Variants in RPS6KC1 observed in about 807,000 individuals in gnomAD.
RPS6KC1 encodes the protein inactive ribosomal protein S6 kinase delta-1.
A neutral mutation model predicts 103.8 loss-of-function variants in RPS6KC1; 54 were observed. The ratio of observed to expected loss-of-function variants is 0.52; its 90% confidence interval spans 0.42 to 0.65. The LOEUF (loss-of-function observed/expected upper bound fraction) is 0.65. RPS6KC1 is among the 30% of genes least tolerant of loss of function. The pLI is 0.00. For missense variants in RPS6KC1, 1,151 were observed against 1,253.8 expected (o/e 0.92, Z 1.24); for synonymous variants, 439 against 438.7 (o/e 1.00, Z -0.01).
intron 8 of RPS6KC1, among the ~76,000 whole-genome samples, chr1:213,216,636 G>A (rs1322835648): frequency 2.0e-5 from 3 of 152,088 alleles, no homozygotes; most frequent in Non-Finnish European, 4.4e-5. Flanking sequence ...GCTCTCCTCA[G>A]CAAATGTAAA....
chr1:213,727,822 T>C, the RPS6KC1 span, among the ~76,000 whole-genome samples: 1 of 152,094 alleles, frequency 6.6e-6, no homozygotes, highest in East Asian at 1.9e-4. Context: ...AAACAAACTA[T>C]TGGTGATTTT....
chr1:213,601,003 A>G, the RPS6KC1 span, among the ~76,000 whole-genome samples: 5 of 152,350 alleles, frequency 3.3e-5, no homozygotes, highest in East Asian at 9.6e-4. Context: ...CTCTGGGTGA[A>G]GCCATGCTTT....
chr1:213,221,912 A>G (rs916812207), intron 8 of RPS6KC1, among the ~76,000 whole-genome samples: 6 of 152,232 alleles, frequency 3.9e-5, no homozygotes, highest in Non-Finnish European at 5.9e-5. Flanking sequence ...TCTTCATATA[A>G]TTCTGGTAGA....
the RPS6KC1 span, among the ~76,000 whole-genome samples, chr1:213,355,308 C>T: frequency 1.3e-5 from 2 of 152,040 alleles, no homozygotes; most frequent in South Asian, 2.1e-4. Flanking sequence ...AGAAGGCTGG[C>T]GGGATGTACA....
At chr1:213,342,517 C>T in the RPS6KC1 span, among the ~76,000 whole-genome samples, 21 of 152,262 alleles carry the variant, frequency 1.4e-4, no homozygotes, top group African/African-American at 2.2e-4. Context: ...CTCTTGGTGC[C>T]TCAGAGTGAA....
At chr1:213,526,858 AAAAATTGCATTTATTTAAAAC>A in the RPS6KC1 span, among the ~76,000 whole-genome samples, 1 of 152,232 alleles carries the variant, frequency 6.6e-6, no homozygotes, top group Non-Finnish European at 1.5e-5. Flanking sequence ...TAAGAGTAAT[AAAAATTGCATTTATTTAAAAC>A]AATACTCCAG....
At chr1:213,459,328 G>T in the RPS6KC1 span, among the ~76,000 whole-genome samples, 32 of 152,062 alleles carry the variant, frequency 2.1e-4, no homozygotes, top group Admixed American at 2.1e-3. Context: ...TCCTGGTTTA[G>T]TCTTGGGAGG....
At chr1:213,099,212 A>G (rs1016578441) in intron 3 of RPS6KC1, among the ~76,000 whole-genome samples, 1 of 152,160 alleles carries the variant, frequency 6.6e-6, no homozygotes, top group African/African-American at 2.4e-5. Context: ...TTTATTAAAT[A>G]TATTAGTTCT....
the RPS6KC1 span, among the ~76,000 whole-genome samples, chr1:213,346,566 A>G: frequency 5.3e-5 from 8 of 152,162 alleles, no homozygotes; most frequent in Admixed American, 3.3e-4. Flanking sequence ...GAGTAATGGG[A>G]TAGAAGACGG....
the RPS6KC1 span, among the ~76,000 whole-genome samples, chr1:213,825,744 G>A: frequency 2.6e-5 from 4 of 152,168 alleles, no homozygotes; most frequent in Non-Finnish European, 4.4e-5. Context: ...CAGGCACTGA[G>A]AAAATGATTT....
chr1:213,146,496 C>T (rs547714494), intron 6 of RPS6KC1, among the ~76,000 whole-genome samples: 2 of 150,644 alleles, frequency 1.3e-5, no homozygotes, highest in African/African-American at 4.9e-5. Context: ...GATCTTGGCT[C>T]ACTGCAACCT....
the RPS6KC1 span, among the ~76,000 whole-genome samples, chr1:213,352,407 G>A: frequency 1.3e-5 from 2 of 152,092 alleles, no homozygotes; most frequent in Non-Finnish European, 1.5e-5. Flanking sequence ...AATTAAATAT[G>A]TTTGCTTTAA....
chr1:213,830,000 T>C, the RPS6KC1 span, among the ~76,000 whole-genome samples: 2 of 152,206 alleles, frequency 1.3e-5, no homozygotes, highest in African/African-American at 4.8e-5. Flanking sequence ...CATTTTCAGC[T>C]TCCTGAGCAA....
the RPS6KC1 span, among the ~76,000 whole-genome samples, chr1:213,457,928 A>G: frequency 2.0e-5 from 3 of 152,222 alleles, no homozygotes; most frequent in East Asian, 5.8e-4. Context: ...AACTTCTGGG[A>G]ACATTTTACC....
At chr1:213,343,737 G>A in the RPS6KC1 span, among the ~76,000 whole-genome samples, 5 of 151,542 alleles carry the variant, frequency 3.3e-5, no homozygotes, top group African/African-American at 1.2e-4. Context: ...CCCAGAAATC[G>A]CCACTAAAGA....
the RPS6KC1 span, among the ~76,000 whole-genome samples, chr1:213,692,201 G>A: frequency 1.1e-4 from 17 of 152,106 alleles, no homozygotes; most frequent in Admixed American, 3.3e-4. Flanking sequence ...CCAAGAGTTC[G>A]AGACCAGTCT....
chr1:213,726,543 C>A, the RPS6KC1 span, among the ~76,000 whole-genome samples: 1 of 152,160 alleles, frequency 6.6e-6, no homozygotes, highest in East Asian at 1.9e-4. Context: ...CAATCTATGT[C>A]TCACCTGTGG....
chr1:213,267,255 T>C (rs958258276), intron 14 of RPS6KC1, among the ~76,000 whole-genome samples: 2 of 151,702 alleles, frequency 1.3e-5, no homozygotes, highest in Non-Finnish European at 2.9e-5. Flanking sequence ...CCATAGGCTA[T>C]ACAGACACAG....
the RPS6KC1 span, among the ~76,000 whole-genome samples, chr1:213,445,867 C>T: frequency 6.6e-6 from 1 of 152,154 alleles, no homozygotes; most frequent in African/African-American, 2.4e-5. Context: ...AAAGCCGTCT[C>T]AAGGCTTTCC....
Sources: allele counts gnomAD v4.1 joint callset (sites outside exome capture counted in the v4.1 genomes callset), GRCh38; gene constraint gnomAD v4.1.1; transcripts MANE v1.5; gene names NCBI Gene and HGNC (gene_info 2026-07-23, HGNC 2026-07-21).